The following RBPMS2 variants were observed in gnomAD, a reference collection of about 807,000 sequenced individuals.
The protein encoded by RBPMS2 is RNA binding protein, mRNA processing factor 2.
In RBPMS2, 14 loss-of-function variants were observed where a neutral mutation model predicts 25.7. The ratio of observed to expected loss-of-function variants is 0.55; its 90% CI spans 0.36 to 0.85. The LOEUF (loss-of-function observed/expected upper bound fraction) is 0.85, where lower values mean the gene tolerates loss of function less well. RBPMS2 is among the 40% of genes least tolerant of loss of function. RBPMS2 has a pLI of 0.01. For synonymous variants in RBPMS2, 127 were observed against 115.6 expected (o/e 1.10, Z -0.63); for missense variants, 252 against 283.4 (o/e 0.89, Z 0.80).
chr15:64,752,548 C>T (rs1171254661), intron 1 of RBPMS2, among the ~76,000 whole-genome samples: 1 of 152,032 alleles, frequency 6.6e-6, no homozygotes, highest in Non-Finnish European at 1.5e-5. Flanking sequence ...ACAGTCAAAA[C>T]CATTATGCTG....
chr15:64,758,054 G>A (rs1032819324), intron 1 of RBPMS2, among the ~76,000 whole-genome samples: 17 of 152,192 alleles, frequency 1.1e-4, no homozygotes, highest in African/African-American at 4.1e-4. Flanking sequence ...TGATGACAAG[G>A]AAAGTTCAAC....
intron 6 of RBPMS2, among the ~76,000 whole-genome samples, chr15:64,744,788 G>A (rs1595784398): frequency 1.5e-5 from 1 of 65,154 alleles, no homozygotes; most frequent in South Asian, 5.5e-4. Context: ...AAGTTTTTTT[G>A]GTTTGTTTTG....
intron 6 of RBPMS2, among the ~76,000 whole-genome samples, chr15:64,743,267 G>A (rs1409675051): frequency 1.3e-5 from 2 of 152,198 alleles, no homozygotes; most frequent in Non-Finnish European, 2.9e-5. Context: ...GGCCTTGAAT[G>A]ACTGCCTAAG....
chr15:64,761,725 C>T (rs936636015), intron 1 of RBPMS2, among the ~76,000 whole-genome samples: 9 of 94,682 alleles, frequency 9.5e-5, no homozygotes, highest in African/African-American at 2.6e-4. Flanking sequence ...TTTTTTGAGA[C>T]GGAGTCTCAC....
intron 1 of RBPMS2, among the ~76,000 whole-genome samples, chr15:64,770,908 A>C (rs1326090291): frequency 6.6e-6 from 1 of 152,094 alleles, no homozygotes; most frequent in Non-Finnish European, 1.5e-5. Context: ...CTCTGAGGAC[A>C]CATGATGGGC....
intron 1 of RBPMS2, among the ~76,000 whole-genome samples, chr15:64,762,192 T>C (rs978225986): frequency 6.6e-6 from 1 of 151,794 alleles, no homozygotes; most frequent in African/African-American, 2.4e-5. Flanking sequence ...GTAGGTATGA[T>C]GGTGATGGTG....
intron 1 of RBPMS2, among the ~76,000 whole-genome samples, chr15:64,758,116 C>T (rs982162175): frequency 6.6e-6 from 1 of 152,222 alleles, no homozygotes; most frequent in Non-Finnish European, 1.5e-5. Context: ...GAATTCAGCA[C>T]ATACACAAAA....
At chr15:64,756,798 G>A (rs1477797654) in intron 1 of RBPMS2, among the ~76,000 whole-genome samples, 4 of 95,718 alleles carry the variant, frequency 4.2e-5, no homozygotes, top group African/African-American at 1.0e-4. Context: ...CTGCCACCAC[G>A]CCCAGCTCTT....
intron 1 of RBPMS2, among the ~76,000 whole-genome samples, chr15:64,772,322 GTAT>G (rs1441854911): frequency 6.6e-6 from 1 of 152,188 alleles, no homozygotes; most frequent in East Asian, 1.9e-4. Flanking sequence ...TTCATGTACT[GTAT>G]TACCTCATGT....
chr15:64,748,496 C>G lies in RBPMS2; in HGVS notation c.490G>C (p.Glu164Gln). 2 of 1,613,718 alleles carry G rather than the reference C, an allele frequency of 1.2e-6. No homozygotes were observed. Among genetic ancestry groups the G allele is most frequent in the Non-Finnish European group, 1.7e-6 (2 of 1,179,828 alleles). ...AWAPYPLYTT[E>Q]LTPAISHAAF... is the part of the protein sequence containing the mutation. ...GCATGGGAGATGGCTGGGGTCAGCT[C>G]TGTGGTGTACAAAGGGTAGGGGGCC... The change falls in exon 6 of 8, where the codon GAG (glutamate) becomes CAG (glutamine). Residue 164 changes from glutamate (E) to glutamine (Q), a missense_variant. Glu to Gln is a conservative substitution (Grantham distance 29, BLOSUM62 2). Transcript: ENST00000300069.
intron 1 of RBPMS2, among the ~76,000 whole-genome samples, chr15:64,765,607 A>G (rs965436231): frequency 6.6e-6 from 1 of 150,742 alleles, no homozygotes; most frequent in African/African-American, 2.4e-5. Context: ...GGGGGGGACC[A>G]GTCTGGGCAA....
At chr15:64,751,426 CG>C in intron 2 of RBPMS2, 134 bp downstream of exon 2, 1 of 689,666 alleles carries the variant, frequency 1.4e-6, no homozygotes, top group Admixed American at 2.2e-5. Context: ...AACCAGGACA[CG>C]GGCTGGACCT....
Position 64,775,259 on chromosome 15 carries a change from C to G in RBPMS2, c.61G>C (p.Gly21Arg). The G allele has an allele frequency of 7.5e-7, 1 of 1,336,412 alleles. No individual in the cohort carries two copies. The highest frequency in any genetic ancestry group is 1.8e-5 in the South Asian group (1 of 54,698). The allele number at this position is 1,336,412 out of a possible 1,614,324, so 82.8% of individuals were successfully genotyped here. Reference sequence around the variant, plus strand: ...TCCTCCTCCAGGGCGCCGCCGGAGCCCGCGCCGGAGCCGGTGCCGGTGCTG... The same window carrying G: ...TCCTCCTCCAGGGCGCCGCCGGAGCGCGCGCCGGAGCCGGTGCCGGTGCTG... ...GGSTGTGSGA[G>R]SGGALEEEVR... Residue 21 changes from glycine (G) to arginine (R), a missense_variant, in exon 1 of 8, where the codon GGC (glycine) becomes CGC (arginine). Gly to Arg is a moderately radical substitution (Grantham distance 125). Coordinates refer to ENST00000300069, the MANE Select transcript of RBPMS2 (RefSeq NM_194272.3).
chr15:64,767,559 T>G (rs1320362190), intron 1 of RBPMS2, among the ~76,000 whole-genome samples: 1 of 152,212 alleles, frequency 6.6e-6, no homozygotes, highest in Non-Finnish European at 1.5e-5. Flanking sequence ...GTTCAGAGCA[T>G]GAGAGCCAAG....
intron 1 of RBPMS2, chr15:64,762,586 A>G (rs1269924568): frequency 8.0e-6 from 4 of 497,238 alleles, no homozygotes; most frequent in East Asian, 5.6e-5. Context: ...GAAGATACCC[A>G]CTGACGAGAT....
intron 1 of RBPMS2, among the ~76,000 whole-genome samples, chr15:64,766,129 G>C (rs2083843972): frequency 1.3e-5 from 2 of 152,204 alleles, no homozygotes; most frequent in South Asian, 4.1e-4. Context: ...TTCTGCCATG[G>C]CCTGGTCCAA....
chr15:64,748,704 A>C, intron 5 of RBPMS2, 137 bp from the exon 6 acceptor site: 2 of 1,101,288 alleles, frequency 1.8e-6, no homozygotes, highest in Non-Finnish European at 2.5e-6. Context: ...GGACCCCGAG[A>C]CCAGGCAAGG....
chr15:64,766,314 C>A (rs969728295), intron 1 of RBPMS2, among the ~76,000 whole-genome samples: 1 of 152,196 alleles, frequency 6.6e-6, no homozygotes, highest in Non-Finnish European at 1.5e-5. Context: ...AACGCTGATA[C>A]AGCCACCAGT....
At chr15:64,750,316 G>A (rs757683070) in intron 3 of RBPMS2, 27 bp downstream of exon 3, 6 of 1,607,196 alleles carry the variant, frequency 3.7e-6, no homozygotes, top group Non-Finnish European at 3.4e-6. Flanking sequence ...TGGGCTGGGA[G>A]GAAGAAAACC....
Sources: gnomAD v4.1 joint callset for allele counts (sites outside exome capture counted in the v4.1 genomes callset) on GRCh38, gnomAD v4.1.1 for gene constraint, MANE v1.5 for transcripts, NCBI Gene and HGNC (gene_info 2026-07-23, HGNC 2026-07-21) for gene names.